ZCCHC17: variants seen among roughly 807,000 people sequenced by gnomAD.
ZCCHC17 encodes the protein zinc finger CCHC domain-containing protein 17.
A neutral mutation model predicts 30.6 loss-of-function variants in ZCCHC17; 18 were observed. The ratio of observed to expected loss-of-function variants is 0.59; its 90% CI spans 0.41 to 0.87. ZCCHC17 has a LOEUF of 0.87. Ranked by LOEUF, ZCCHC17 falls within the 40% of genes least tolerant of loss-of-function variation. ZCCHC17 has a pLI of 0.00. For missense variants in ZCCHC17, 263 were observed against 284.2 expected (o/e 0.93, Z 0.54); for synonymous variants, 88 against 92.4 (o/e 0.95, Z 0.27).
At chr1:31,361,749 T>G (rs1488788939) in intron 7 of ZCCHC17, among the ~76,000 whole-genome samples, 4 of 152,170 alleles carry the variant, frequency 2.6e-5, no homozygotes, top group Non-Finnish European at 5.9e-5. Context: ...TCTCATTAAC[T>G]TGTCACCATA....
At chr1:31,308,407 A>G (rs1203187938) in intron 1 of ZCCHC17, among the ~76,000 whole-genome samples, 2 of 152,358 alleles carry the variant, frequency 1.3e-5, no homozygotes, top group African/African-American at 2.4e-5. Context: ...GAAGCTGTCA[A>G]TTTAATGGAT....
At chr1:31,301,222 C>T (rs545924351) in intron 1 of ZCCHC17, among the ~76,000 whole-genome samples, 169 of 152,310 alleles carry the variant, frequency 1.1e-3, no homozygotes, top group African/African-American at 3.9e-3. Flanking sequence ...GTGTGTTACA[C>T]TGTGCTAGGC....
At chr1:31,309,646 G>C (rs1646549742) in intron 1 of ZCCHC17, among the ~76,000 whole-genome samples, 1 of 152,190 alleles carries the variant, frequency 6.6e-6, no homozygotes, top group Non-Finnish European at 1.5e-5. Context: ...TGCATGTCTA[G>C]TGCTTAGCAC....
chr1:31,303,187 C>T (rs565046106), intron 1 of ZCCHC17, among the ~76,000 whole-genome samples: 5 of 151,782 alleles, frequency 3.3e-5, no homozygotes, highest in Admixed American at 2.0e-4. Context: ...GAGGCTGAGG[C>T]GGGAGGATAG....
At chr1:31,319,273 CCTTT>C in intron 3 of ZCCHC17, 107 bp downstream of exon 3, 1 of 941,620 alleles carries the variant, frequency 1.1e-6, no homozygotes, top group Non-Finnish European at 1.6e-6. Flanking sequence ...GTTTTTCATT[CCTTT>C]GTTTTCTTTT....
chr1:31,310,965 C>T (rs187074158), intron 2 of ZCCHC17, among the ~76,000 whole-genome samples: 117 of 152,312 alleles, frequency 7.7e-4, no homozygotes, highest in African/African-American at 2.7e-3. Flanking sequence ...CCTTGGCACC[C>T]TATTAGTTAA....
At chr1:31,363,484 CA>C (rs1443861489) in intron 7 of ZCCHC17, among the ~76,000 whole-genome samples, 1 of 152,032 alleles carries the variant, frequency 6.6e-6, no homozygotes, top group African/African-American at 2.4e-5. Context: ...CACCTGGCCA[CA>C]ATGTCTTATA....
chr1:31,357,673 T>C (rs1639693287), intron 7 of ZCCHC17, among the ~76,000 whole-genome samples: 1 of 152,038 alleles, frequency 6.6e-6, no homozygotes, highest in South Asian at 2.1e-4. Context: ...AAAATTAATT[T>C]GATTAAGGGA....
rs1160931556 is a variant in ZCCHC17, at chr1:31,348,941, C to G, written c.531C>G (p.Asp177Glu). The part of the protein sequence containing the change: ...EAKSAEFEKP[D>E]PTRNPSRKRK... ...AGTCAGCAGAGTTTGAGAAGCCTGA[C>G]CCTACAAGGAATCCTTCTAGAAAAA... The change falls in exon 7 of 8, where the codon GAC (aspartate) becomes GAG (glutamate). Residue 177 changes from aspartate (D) to glutamate (E), a missense_variant. Asp to Glu is a conservative substitution (Grantham distance 45). Coordinates refer to ENST00000344147, the MANE Select transcript of ZCCHC17 (RefSeq NM_016505.4). The G allele has an allele frequency of 6.3e-7, 1 of 1,593,400 alleles. No individual in the cohort carries two copies. The highest frequency in any genetic ancestry group is 8.5e-7 in the Non-Finnish European group (1 of 1,173,782).
At chr1:31,322,312 A>G (rs550181347) in intron 3 of ZCCHC17, among the ~76,000 whole-genome samples, 14 of 152,290 alleles carry the variant, frequency 9.2e-5, no homozygotes, top group Admixed American at 7.8e-4. Context: ...GCCAGCCCCA[A>G]TATTGAATCC....
chr1:31,323,053 C>T (rs1476420786), intron 3 of ZCCHC17, among the ~76,000 whole-genome samples: 2 of 151,988 alleles, frequency 1.3e-5, no homozygotes, highest in Non-Finnish European at 2.9e-5. Flanking sequence ...CTAATCACAT[C>T]GTTGATTTCT....
chr1:31,347,011 C>G lies in ZCCHC17; in HGVS notation c.418+271C>G, dbSNP rs74620919. Among the ~76,000 whole-genome samples, 1,152 of 152,268 alleles carry G rather than the reference C, an allele frequency of 7.6e-3. 13 individuals carry two copies. Among genetic ancestry groups the G allele is most frequent in the African/African-American group, 0.026 (1,078 of 41,546 alleles). ...ATATGCCTTGTCTGGGCAAGACCCCCATGAACTATGCCAGGAGGAGTAAGA... is the reference window on the plus strand; with the variant it reads ...ATATGCCTTGTCTGGGCAAGACCCCGATGAACTATGCCAGGAGGAGTAAGA... On this transcript the variant is annotated intron_variant, in intron 6 of 7. Coordinates refer to ENST00000344147, the MANE Select transcript of ZCCHC17 (RefSeq NM_016505.4).
Position 31,346,621 on chromosome 1 carries a change from G to A in ZCCHC17, c.318-19G>A, listed in dbSNP as rs201581274. 8 of 1,593,602 alleles carry A rather than the reference G, an allele frequency of 5.0e-6. No individual in the cohort carries two copies. Among genetic ancestry groups the A allele is most frequent in the Middle Eastern group, 1.7e-4 (1 of 5,904 alleles). The stretch of plus-strand genomic sequence containing the variant: ...ATATCTCTTAAGGGGGCCGGCAGTC[G>A]GTATCTTTTTCATTATAGGCAAGAA... On this transcript the variant is annotated intron_variant, in intron 5 of 7. Transcript: ENST00000344147.
chr1:31,331,680 C>A (rs1010005325), intron 3 of ZCCHC17, among the ~76,000 whole-genome samples: 1 of 151,394 alleles, frequency 6.6e-6, no homozygotes, highest in Non-Finnish European at 1.5e-5. Context: ...GGCTCGATCT[C>A]GGGTCACTGC....
chr1:31,305,433 C>T (rs1186472218), intron 1 of ZCCHC17, among the ~76,000 whole-genome samples: 1 of 152,012 alleles, frequency 6.6e-6, no homozygotes. Flanking sequence ...GCAGGTGCCA[C>T]TATGCCGAGC....
intron 1 of ZCCHC17, among the ~76,000 whole-genome samples, chr1:31,298,925 A>T (rs1411541000): frequency 6.6e-6 from 1 of 152,234 alleles, no homozygotes; most frequent in Non-Finnish European, 1.5e-5. Context: ...GATACAGAAG[A>T]AAGGAAGGAG....
At chr1:31,322,488 A>G (rs1422915217) in intron 3 of ZCCHC17, among the ~76,000 whole-genome samples, 2 of 152,222 alleles carry the variant, frequency 1.3e-5, no homozygotes, top group African/African-American at 4.8e-5. Flanking sequence ...ATGAAGAAGT[A>G]CACAGGGTGA....
chr1:31,322,596 A>G (rs181806554), intron 3 of ZCCHC17, among the ~76,000 whole-genome samples: 144 of 152,234 alleles, frequency 9.5e-4, no homozygotes, highest in Non-Finnish European at 1.6e-3. Flanking sequence ...TCCAAACTCC[A>G]TTGCTTAGGG....
intron 5 of ZCCHC17, among the ~76,000 whole-genome samples, chr1:31,339,463 A>T (rs1454578864): frequency 6.6e-6 from 1 of 152,314 alleles, no homozygotes; most frequent in East Asian, 1.9e-4. Context: ...AGCTGAGATC[A>T]TGCCACTGCA....
Sources: gnomAD v4.1 joint callset for allele counts (sites outside exome capture counted in the v4.1 genomes callset) on GRCh38, gnomAD v4.1.1 for gene constraint, MANE v1.5 for transcripts, NCBI Gene and HGNC (gene_info 2026-07-23, HGNC 2026-07-21) for gene names.